ADGRB3: variants seen among roughly 807,000 people sequenced by gnomAD.
ADGRB3 encodes adhesion G protein-coupled receptor B3.
In ADGRB3, 37 loss-of-function variants were observed where a neutral mutation model predicts 193.4. The ratio of observed to expected loss-of-function variants is 0.19; its 90% CI spans 0.15 to 0.25. ADGRB3 has a LOEUF of 0.25. ADGRB3 is among the 10% of genes least tolerant of loss of function. The probability of loss-of-function intolerance (pLI) is 1.00; values close to 1 mark genes in which losing one functional copy is unlikely to be tolerated. For missense variants in ADGRB3, 1,637 were observed against 1,852.9 expected, an observed-to-expected ratio of 0.88 and a Z score of 2.14; for synonymous variants, 690 against 644.2, an observed-to-expected ratio of 1.07 and a Z score of -1.08.
At chr6:68,779,357 A>G (rs532720520) in intron 3 of ADGRB3, among the ~76,000 whole-genome samples, 3 of 151,250 alleles carry the variant, frequency 2.0e-5, no homozygotes, top group African/African-American at 7.3e-5. Context: ...CATTCTCCCC[A>G]CAAACATGCC....
At chr6:68,711,619 G>A (rs919718236) in intron 3 of ADGRB3, among the ~76,000 whole-genome samples, 1 of 152,014 alleles carries the variant, frequency 6.6e-6, no homozygotes, top group Admixed American at 6.6e-5. Flanking sequence ...GAATCAGCTA[G>A]CCCAACAAAG....
chr6:68,888,690 TAAG>T (rs1407656528), intron 3 of ADGRB3, among the ~76,000 whole-genome samples: 1 of 151,868 alleles, frequency 6.6e-6, no homozygotes, highest in African/African-American at 2.4e-5. Flanking sequence ...TATGGCACAA[TAAG>T]GAGATAGGGA....
chr6:68,953,361 T>G (rs1042883728), intron 6 of ADGRB3, among the ~76,000 whole-genome samples: 7 of 152,216 alleles, frequency 4.6e-5, no homozygotes, highest in Admixed American at 6.5e-5. Context: ...TCTTTCTGAA[T>G]GTTCTCAATA....
intron 15 of ADGRB3, among the ~76,000 whole-genome samples, chr6:69,061,633 A>C (rs1006480078): frequency 6.6e-6 from 1 of 152,070 alleles, no homozygotes; most frequent in African/African-American, 2.4e-5. Flanking sequence ...GCTAAAAATC[A>C]GAAATAACCT....
intron 20 of ADGRB3, among the ~76,000 whole-genome samples, chr6:69,240,686 G>A (rs1766366233): frequency 6.6e-6 from 1 of 151,892 alleles, no homozygotes; most frequent in African/African-American, 2.4e-5. Context: ...TGATAGGAAG[G>A]AAGTAGAGAT....
chr6:69,073,978 A>G (rs1772153420), intron 16 of ADGRB3, among the ~76,000 whole-genome samples: 1 of 152,216 alleles, frequency 6.6e-6, no homozygotes, highest in Non-Finnish European at 1.5e-5. Context: ...TGACATGACA[A>G]TCGTGATTTA....
chr6:68,787,653 A>G (rs912395428), intron 3 of ADGRB3, among the ~76,000 whole-genome samples: 3 of 152,146 alleles, frequency 2.0e-5, no homozygotes, highest in Non-Finnish European at 4.4e-5. Flanking sequence ...TGGTATCAGG[A>G]TGATGCTGGC....
intron 20 of ADGRB3, among the ~76,000 whole-genome samples, chr6:69,264,785 A>AG (rs1339998981): frequency 6.6e-6 from 1 of 151,926 alleles, no homozygotes; most frequent in African/African-American, 2.4e-5. Context: ...ACAGTTACTG[A>AG]GAAAAAAAAA....
intron 8 of ADGRB3, among the ~76,000 whole-genome samples, chr6:68,966,467 C>A (rs1451913102): frequency 6.6e-6 from 1 of 152,152 alleles, no homozygotes; most frequent in African/African-American, 2.4e-5. Flanking sequence ...TTACACTTTA[C>A]CCTTTCTGAA....
chr6:68,813,173 C>T (rs1421984836), intron 3 of ADGRB3, among the ~76,000 whole-genome samples: 1 of 152,070 alleles, frequency 6.6e-6, no homozygotes, highest in Non-Finnish European at 1.5e-5. Context: ...GGTTTATCAG[C>T]GGTTTCCACT....
At chr6:68,676,408 AAAAG>A (rs1184167608) in intron 3 of ADGRB3, among the ~76,000 whole-genome samples, 1 of 149,302 alleles carries the variant, frequency 6.7e-6, no homozygotes, top group Non-Finnish European at 1.5e-5. Context: ...AAAAAAAAAA[AAAAG>A]AAAAGGAGAG....
At chr6:68,846,061 C>T (rs1768268627) in intron 3 of ADGRB3, among the ~76,000 whole-genome samples, 1 of 152,108 alleles carries the variant, frequency 6.6e-6, no homozygotes, top group Non-Finnish European at 1.5e-5. Flanking sequence ...TGAAGAACCT[C>T]TCGGAAGCTA....
At chr6:69,360,468 A>C (rs932407764) in intron 28 of ADGRB3, among the ~76,000 whole-genome samples, 3 of 151,932 alleles carry the variant, frequency 2.0e-5, no homozygotes, top group African/African-American at 7.2e-5. Flanking sequence ...GCCATTAAGA[A>C]AAAAATCAAA....
At chr6:68,988,977 T>C (rs573805774) in intron 10 of ADGRB3, among the ~76,000 whole-genome samples, 2 of 152,244 alleles carry the variant, frequency 1.3e-5, no homozygotes, top group East Asian at 3.9e-4. Context: ...GTTGCATAAA[T>C]TGATTCAGGA....
chr6:69,365,696 A>G (rs1240543115), intron 29 of ADGRB3, among the ~76,000 whole-genome samples: 1 of 152,110 alleles, frequency 6.6e-6, no homozygotes, highest in African/African-American at 2.4e-5. Context: ...CTGAAACCAA[A>G]TAAGTCTCTC....
chr6:68,782,595 C>CAT (rs1766877649), intron 3 of ADGRB3, among the ~76,000 whole-genome samples: 2 of 152,060 alleles, frequency 1.3e-5, no homozygotes, highest in African/African-American at 2.4e-5. Context: ...ACCAACAGTG[C>CAT]AGAAGTGTTC....
chr6:69,307,213 T>C (rs1425447819), intron 20 of ADGRB3, among the ~76,000 whole-genome samples: 1 of 151,568 alleles, frequency 6.6e-6, no homozygotes, highest in Non-Finnish European at 1.5e-5. Flanking sequence ...TCTAAAAATC[T>C]ACCTGATGTC....
At chr6:69,079,967 A>G (rs984068246) in intron 17 of ADGRB3, among the ~76,000 whole-genome samples, 11 of 152,106 alleles carry the variant, frequency 7.2e-5, no homozygotes, top group Non-Finnish European at 1.3e-4. Context: ...AAATTGATTT[A>G]TTGGAGTTGG....
intron 26 of ADGRB3, among the ~76,000 whole-genome samples, chr6:69,343,141 ATTTTTTTTATT>A (rs776542831): frequency 2.0e-5 from 3 of 147,090 alleles, no homozygotes; most frequent in Admixed American, 6.7e-5. Flanking sequence ...AATTTATTTT[ATTTTTTTTATT>A]TTTTTTTATT....
Sources: gnomAD v4.1 joint callset for allele counts (sites outside exome capture counted in the v4.1 genomes callset) on GRCh38, gnomAD v4.1.1 for gene constraint, MANE v1.5 for transcripts, NCBI Gene and HGNC (gene_info 2026-07-23, HGNC 2026-07-21) for gene names.